The following ZNF391 variants were observed in gnomAD, a reference collection of about 807,000 sequenced individuals.
ZNF391 encodes zinc finger protein 391.
For synonymous variants in ZNF391, 126 were observed against 142.1 expected, an observed-to-expected ratio of 0.89 and a Z score of 0.80; for missense variants, 375 against 425.5, an observed-to-expected ratio of 0.88 and a Z score of 1.04.
intron 1 of ZNF391, among the ~76,000 whole-genome samples, chr6:27,398,159 A>G (rs1442023840): frequency 2.0e-5 from 3 of 152,206 alleles, no homozygotes; most frequent in Non-Finnish European, 4.4e-5. Context: ...GAGAAAGGAA[A>G]GATTTTTATG....
chr6:27,388,744 AC>A (rs1387598451), upstream of ZNF391: 1 of 356,486 alleles, frequency 2.8e-6, no homozygotes, highest in African/African-American at 2.2e-5. Context: ...CGCTGCTGAT[AC>A]GTTGCTCAGT....
At chr6:27,387,312 T>G (rs1266474526), upstream of ZNF391, among the ~76,000 whole-genome samples, 1 of 152,198 alleles carries the variant, frequency 6.6e-6, no homozygotes, top group East Asian at 1.9e-4. Context: ...TCTAGAAAGC[T>G]GATTGCAGAG....
chr6:27,390,661 G>A (rs1309247855), intron 1 of ZNF391, among the ~76,000 whole-genome samples: 1 of 152,170 alleles, frequency 6.6e-6, no homozygotes, highest in Admixed American at 6.5e-5. Context: ...CCATGCTCTA[G>A]AGCAGCAGCT....
At chr6:27,375,381 T>A (rs918528892) in intron 1 of ZNF391, among the ~76,000 whole-genome samples, 1 of 152,198 alleles carries the variant, frequency 6.6e-6, no homozygotes. Context: ...ATGTGACACC[T>A]CCACTGTGAC....
At chr6:27,385,286 A>G (rs1271155944), upstream of ZNF391, among the ~76,000 whole-genome samples, 1 of 152,206 alleles carries the variant, frequency 6.6e-6, no homozygotes, top group African/African-American at 2.4e-5. Flanking sequence ...AAAACAGTTA[A>G]GCGTAGTAGA....
intron 1 of ZNF391, among the ~76,000 whole-genome samples, chr6:27,378,138 T>C (rs1761445048): frequency 6.6e-6 from 1 of 152,200 alleles, no homozygotes; most frequent in Non-Finnish European, 1.5e-5. Context: ...TGTATAACTT[T>C]GAAGTATACA....
intron 1 of ZNF391, among the ~76,000 whole-genome samples, chr6:27,398,195 T>C (rs1414713674): frequency 6.6e-6 from 1 of 152,198 alleles, no homozygotes; most frequent in Non-Finnish European, 1.5e-5. Flanking sequence ...CCTAATCTCA[T>C]GGATATCAAA....
intron 1 of ZNF391, among the ~76,000 whole-genome samples, chr6:27,390,520 G>A (rs939768488): frequency 3.3e-5 from 5 of 151,232 alleles, no homozygotes; most frequent in African/African-American, 4.9e-5. Context: ...CTGGATAAAG[G>A]TATAGCCCTA....
intron 1 of ZNF391, among the ~76,000 whole-genome samples, chr6:27,393,189 TG>T (rs1479430320): frequency 6.6e-6 from 1 of 152,240 alleles, no homozygotes; most frequent in Non-Finnish European, 1.5e-5. Flanking sequence ...CAGTATGATA[TG>T]GCTTGAATAT....
At chr6:27,396,957 A>G (rs1761839532) in intron 1 of ZNF391, among the ~76,000 whole-genome samples, 1 of 152,112 alleles carries the variant, frequency 6.6e-6, no homozygotes, top group South Asian at 2.1e-4. Flanking sequence ...CATTGTGACA[A>G]CCCAAAATAA....
At chr6:27,394,258 A>T (rs992547072) in intron 1 of ZNF391, among the ~76,000 whole-genome samples, 2 of 152,190 alleles carry the variant, frequency 1.3e-5, no homozygotes, top group Non-Finnish European at 1.5e-5. Context: ...GCCCAGGAGG[A>T]CTTAAGGATT....
chr6:27,378,583 C>T (rs1001572538), intron 1 of ZNF391, among the ~76,000 whole-genome samples: 1 of 152,100 alleles, frequency 6.6e-6, no homozygotes, highest in Non-Finnish European at 1.5e-5. Context: ...GGAATGCCGT[C>T]AGTTAAGGCA....
chr6:27,397,644 G>A (rs975315435), intron 1 of ZNF391, among the ~76,000 whole-genome samples: 2 of 151,968 alleles, frequency 1.3e-5, no homozygotes, highest in African/African-American at 4.8e-5. Context: ...ATCTTTTTTT[G>A]TGTGAGACGG....
At position 27,396,159 on chromosome 6, in the gene ZNF391, C is replaced by T. The variant is rs181707255; in HGVS notation, c.-187-3283C>T. 2.5e-3 allele frequency among the ~76,000 whole-genome samples: 376 copies of T among 152,226 alleles called. 3 individuals are homozygous for T. Among genetic ancestry groups the T allele is most frequent in the Non-Finnish European group, 4.9e-4 (33 of 68,012 alleles). The stretch of plus-strand genomic sequence containing the variant: ...TCTGAAATAAAATTCATAGATAATA[C>T]TACCTACCTACCTATGAAATAATTT... On this transcript the variant is annotated intron_variant, in intron 1 of 2. Coordinates refer to ENST00000244576, the MANE Select transcript of ZNF391 (RefSeq NM_001076781.3).
At chr6:27,383,081 C>T (rs1369375996) in intron 1 of ZNF391, among the ~76,000 whole-genome samples, 1 of 151,880 alleles carries the variant, frequency 6.6e-6, no homozygotes, top group African/African-American at 2.4e-5. Context: ...GATTGTGCCA[C>T]TGTATTCCAG....
chr6:27,401,405 T>G lies in ZNF391; in HGVS notation c.1035T>G (p.Ser345Arg), dbSNP rs1761966517. The change falls in exon 3 of 3, where the codon AGT (serine) becomes AGG (arginine). Residue 345 changes from serine to arginine, a missense_variant. Transcript: ENST00000244576. ...CNDCGKAFCQ[S>R]STLIRHQHLH... is the part of the protein sequence containing the mutation. ...ACTGTGGAAAAGCCTTCTGTCAGAGTTCAACTCTGATCAGACATCAGCACC... is the reference window on the plus strand; with the variant it reads ...ACTGTGGAAAAGCCTTCTGTCAGAGGTCAACTCTGATCAGACATCAGCACC... 1.2e-6 allele frequency: 2 copies of G among 1,612,150 alleles called. No homozygotes were observed. The highest frequency in any genetic ancestry group is 2.7e-5 in the African/African-American group (2 of 74,970).
At chr6:27,388,641 C>T (rs545354526), upstream of ZNF391, 1 of 313,790 alleles carries the variant, frequency 3.2e-6, no homozygotes. Flanking sequence ...CTCTCGCATA[C>T]CAGGGGAGGG....
rs1322603097 is a variant in ZNF391 at position 27,400,410 on chromosome 6, A to G, written c.40A>G (p.Asn14Asp). 2.5e-6 allele frequency: 4 copies of G among 1,613,266 alleles called. No individual in the cohort carries two copies. The highest frequency in any genetic ancestry group is 1.1e-5 in the South Asian group (1 of 90,994). Residue 14 changes from asparagine (N) to aspartate (D), a missense_variant, in exon 3 of 3, where the codon AAT (asparagine) becomes GAT (aspartate). Transcript: ENST00000244576. ...AGGGAATACTGCTCAGGGTCCTACA[A>G]ATGAAGAAGACTATAAAAACGAAGG... Reference protein sequence around the residue: ...LRGNTAQGPTNEEDYKNEGQL... With the variant: ...LRGNTAQGPTDEEDYKNEGQL...
upstream of ZNF391, among the ~76,000 whole-genome samples, chr6:27,388,224 T>C (rs889378664): frequency 3.3e-5 from 5 of 152,236 alleles, no homozygotes; most frequent in Admixed American, 6.5e-5. Flanking sequence ...CATTACCTTA[T>C]ATTAAAATTA....
Sources: gnomAD v4.1 joint callset for allele counts (sites outside exome capture counted in the v4.1 genomes callset) on GRCh38, gnomAD v4.1.1 for gene constraint, MANE v1.5 for transcripts, NCBI Gene and HGNC (gene_info 2026-07-23, HGNC 2026-07-21) for gene names.